Variants in SLC35F3 observed in about 807,000 individuals in gnomAD.
SLC35F3 encodes the protein putative thiamine transporter SLC35F3.
SLC35F3 carries 25 observed loss-of-function variants against 49.9 expected under a neutral mutation model. That is an observed-to-expected ratio of 0.50 (90% confidence interval 0.37 to 0.70). The LOEUF is 0.70. Ranked by LOEUF, SLC35F3 falls within the 30% of genes least tolerant of loss-of-function variation. SLC35F3 has a pLI of 0.00. For synonymous variants in SLC35F3, 275 were observed against 265.4 expected (o/e 1.04, Z -0.35); for missense variants, 525 against 639.8 (o/e 0.82, Z 1.94).
Position 234,214,239 on chromosome 1 carries a change from A to T in SLC35F3, c.284-17178A>T. ...ACGTTGGAGTTTGCAGCAACCTCCA[A>T]GTAGGAGGCTGTGCGCGCGTGTGTG... On this transcript the variant is annotated intron_variant, in intron 2 of 7. Coordinates refer to ENST00000366618, the MANE Select transcript of SLC35F3 (RefSeq NM_173508.4). The surrounding 1 kb of genome is among the most constrained non-coding windows in gnomAD (Gnocchi z 8.0). The T allele has an allele frequency of 8.1e-7, 1 of 1,228,640 alleles. No individual in the cohort carries two copies. The highest frequency in any genetic ancestry group is 1.0e-6 in the Non-Finnish European group (1 of 985,680). 76.1% of individuals were successfully genotyped at this position (1,228,640 alleles called of 1,614,324 possible).
chr1:234,152,053 G>T lies in SLC35F3; in HGVS notation c.284-79364G>T, dbSNP rs6659089. On this transcript the variant is annotated intron_variant, in intron 2 of 7. Coordinates refer to ENST00000366618, the MANE Select transcript of SLC35F3 (RefSeq NM_173508.4). ...TATCTGAGAATAATAACCCCCAAATGACCAAGACCCAGATATTTTCTTGTA... is the reference window on the plus strand; with the variant it reads ...TATCTGAGAATAATAACCCCCAAATTACCAAGACCCAGATATTTTCTTGTA... Among the ~76,000 whole-genome samples the T allele has an allele frequency of 7.0e-3, 1,044 of 149,874 alleles. 19 individuals carry two copies. The highest frequency in any genetic ancestry group is 0.024 in the African/African-American group (989 of 40,832).
intron 2 of SLC35F3, among the ~76,000 whole-genome samples, chr1:233,996,072 T>A (rs1384792718): frequency 6.6e-6 from 1 of 152,144 alleles, no homozygotes; most frequent in Non-Finnish European, 1.5e-5. Flanking sequence ...TTTATTAATA[T>A]TTTATATATA....
intron 2 of SLC35F3, among the ~76,000 whole-genome samples, chr1:233,935,189 C>CTTTTTT (rs35418747): frequency 0.098 from 4,920 of 50,140 alleles, 1,478 homozygotes; most frequent in Non-Finnish European, 0.12. Flanking sequence ...TTTCCTTGCC[C>CTTTTTT]TTTTTTTTTT....
intron 2 of SLC35F3, among the ~76,000 whole-genome samples, chr1:233,916,578 C>T (rs879727512): frequency 6.6e-6 from 1 of 152,170 alleles, no homozygotes; most frequent in Admixed American, 6.5e-5. Flanking sequence ...GCAGTGGGTA[C>T]GATTTCAAAG....
At chr1:234,229,358 T>A (rs1260235003) in intron 2 of SLC35F3, among the ~76,000 whole-genome samples, 1 of 152,240 alleles carries the variant, frequency 6.6e-6, no homozygotes, top group Non-Finnish European at 1.5e-5. Flanking sequence ...TTGTTCATAT[T>A]CCTTTGTTTT....
chr1:233,945,681 C>T lies in SLC35F3; in HGVS notation c.283+39923C>T, dbSNP rs555480260. ...GGTGGAGATAATTGAATCATGGGGG[C>T]GGTTTCCCCCATACTGTTCTTGTGG... On this transcript the variant is annotated intron_variant, in intron 2 of 7. Transcript: ENST00000366618. Among the ~76,000 whole-genome samples, 436 of 152,268 alleles carry T rather than the reference C, an allele frequency of 2.9e-3. 2 individuals are homozygous for T. The highest frequency in any genetic ancestry group is 0.019 in the South Asian group (92 of 4,822).
intron 2 of SLC35F3, among the ~76,000 whole-genome samples, chr1:234,131,035 A>G (rs929520223): frequency 2.0e-5 from 3 of 152,170 alleles, no homozygotes; most frequent in East Asian, 1.9e-4. Context: ...AAACAAAAAC[A>G]TATTGTACAA....
chr1:234,055,197 A>G (rs979543957), intron 2 of SLC35F3, among the ~76,000 whole-genome samples: 3 of 152,206 alleles, frequency 2.0e-5, no homozygotes, highest in African/African-American at 7.2e-5. Context: ...TTAAGTCTGC[A>G]GAAGTTTCTG....
intron 3 of SLC35F3, among the ~76,000 whole-genome samples, chr1:234,263,868 G>A (rs927683528): frequency 6.6e-6 from 1 of 152,178 alleles, no homozygotes; most frequent in Non-Finnish European, 1.5e-5. Flanking sequence ...CAGCAATTTG[G>A]GAGGCCGAGG....
chr1:234,202,862 A>G (rs2102935449), intron 2 of SLC35F3, among the ~76,000 whole-genome samples: 1 of 152,386 alleles, frequency 6.6e-6, no homozygotes, highest in South Asian at 2.1e-4. Context: ...ATGAGGCTGC[A>G]GCAAAGACAG....
At chr1:233,947,075 G>A (rs79483706) in intron 2 of SLC35F3, among the ~76,000 whole-genome samples, 2,906 of 152,296 alleles carry the variant, frequency 0.019, 72 homozygotes, top group African/African-American at 0.066. Context: ...ACCATGGATA[G>A]ATCTTGGACT....
In SLC35F3 at chr1:234,320,584, GA is replaced by G. The variant is rs557308033; in HGVS notation, c.1237+405del. On this transcript the variant is annotated intron_variant, in intron 7 of 7. Transcript: ENST00000366618. This position sits in a 1 kb window ranked among gnomAD's most constrained non-coding sequence, Gnocchi z 4.8. ...AACAAATGTAGGAAATGATGTAGCA[GA>G]AAAAAAATGTCACTTTTGCAGGTAA... Among the ~76,000 whole-genome samples, 11 of 151,936 alleles carry G rather than the reference GA, an allele frequency of 7.2e-5. No homozygotes were observed. The highest frequency in any genetic ancestry group is 5.2e-4 in the Admixed American group (8 of 15,262).
rs143679645 is a variant in SLC35F3, at chr1:234,152,211, CATT to C, written c.284-79193_284-79191del. Among the ~76,000 whole-genome samples, 48 of 142,630 alleles carry C rather than the reference CATT, an allele frequency of 3.4e-4. No individual in the cohort carries two copies. The East Asian group carries it at 3.6e-3, about 11-fold the overall frequency. 93.6% of individuals were successfully genotyped at this position (142,630 alleles called of 152,430 possible). On this transcript the variant is annotated intron_variant, in intron 2 of 7. Transcript: ENST00000366618. ...GCAGTGCTAAAAGAAAATGGAGTAA[CATT>C]ATTATTATTATTGTTATTATTATTA...
intron 2 of SLC35F3, among the ~76,000 whole-genome samples, chr1:233,910,506 G>A (rs1392676887): frequency 6.6e-6 from 1 of 152,194 alleles, no homozygotes; most frequent in African/African-American, 2.4e-5. Context: ...AATAGAGAGA[G>A]AAGTGCTGGA....
intron 2 of SLC35F3, among the ~76,000 whole-genome samples, chr1:234,156,051 T>C (rs1392054626): frequency 6.6e-6 from 1 of 152,072 alleles, no homozygotes. Context: ...CTATAACATA[T>C]ACAAATCAAA....
intron 3 of SLC35F3, among the ~76,000 whole-genome samples, chr1:234,293,140 T>C (rs1668535584): frequency 6.6e-6 from 1 of 152,216 alleles, no homozygotes; most frequent in African/African-American, 2.4e-5. Flanking sequence ...AAGCTCCACT[T>C]TTTCTAGAAA....
chr1:234,006,377 A>G (rs779728616), intron 2 of SLC35F3, among the ~76,000 whole-genome samples: 1 of 152,230 alleles, frequency 6.6e-6, no homozygotes, highest in Non-Finnish European at 1.5e-5. Flanking sequence ...TGCTTCACCA[A>G]TTGCATAGCC....
chr1:234,159,470 A>G (rs1456576180), intron 2 of SLC35F3, among the ~76,000 whole-genome samples: 1 of 152,010 alleles, frequency 6.6e-6, no homozygotes, highest in South Asian at 2.1e-4. Flanking sequence ...CCAGCTCCTC[A>G]GGAGGCTGAG....
chr1:234,231,573 C>T lies in SLC35F3; in HGVS notation c.440C>T (p.Ser147Phe). The T allele has an allele frequency of 6.2e-7, 1 of 1,614,162 alleles. No individual in the cohort carries two copies. The highest frequency in any genetic ancestry group is 8.5e-7 in the Non-Finnish European group (1 of 1,180,010). ...GTGGCGGTCGTGCTGTGCGTGTGCTCCTCGTGGGCGGGCTCCACGCAGCTC... is the reference window on the plus strand; with the variant it reads ...GTGGCGGTCGTGCTGTGCGTGTGCTTCTCGTGGGCGGGCTCCACGCAGCTC... ...WGVAVVLCVCSSWAGSTQLAK... is the reference protein window; with the variant it reads ...WGVAVVLCVCFSWAGSTQLAK... Residue 147 changes from serine to phenylalanine, a missense_variant, in exon 3 of 8, where the codon TCC becomes TTC. By Grantham distance (155) the Ser-to-Phe change is radical (BLOSUM62 -2). Coordinates refer to ENST00000366618, the MANE Select transcript of SLC35F3 (RefSeq NM_173508.4). The surrounding 1 kb of genome is among the most constrained non-coding windows in gnomAD (Gnocchi z 5.4).
Sources: gnomAD v4.1 joint callset for allele counts (sites outside exome capture counted in the v4.1 genomes callset) on GRCh38, gnomAD v4.1.1 for gene constraint, Gnocchi (gnomAD v3.1) non-coding constraint, MANE v1.5 for transcripts, NCBI Gene and HGNC (gene_info 2026-07-23, HGNC 2026-07-21) for gene names.